Variants in LCLAT1 observed in about 807,000 individuals in gnomAD.
LCLAT1 encodes lysocardiolipin acyltransferase 1, also known as 1-AGP acyltransferase 8.
LCLAT1 carries 11 observed loss-of-function variants against 30.7 expected under a neutral mutation model. The observed-to-expected ratio is 0.36, with a 90% CI of 0.23 to 0.59. The LOEUF (loss-of-function observed/expected upper bound fraction) is 0.59. LCLAT1 is among the 20% of genes least tolerant of loss of function. The probability of loss-of-function intolerance (pLI) is 0.77; values close to 1 mark genes in which losing one functional copy is unlikely to be tolerated. For synonymous variants in LCLAT1, 155 were observed against 151.3 expected, an observed-to-expected ratio of 1.02 and a Z score of -0.18; for missense variants, 402 against 458.6, an observed-to-expected ratio of 0.88 and a Z score of 1.13.
rs1306499817 is a variant in LCLAT1, at chr2:30,558,275, A to G, written c.365-3871A>G. Among the ~76,000 whole-genome samples, 4 of 152,202 alleles carry G rather than the reference A, an allele frequency of 2.6e-5. No homozygotes were observed. In the East Asian group the frequency reaches 7.7e-4, roughly 29 times the overall value. Reference sequence around the variant, plus strand: ...GGTTTGAAGAGGTACTTTACAATGAAGAAATCTGAACGACTAATTTGAATA... The same window carrying G: ...GGTTTGAAGAGGTACTTTACAATGAGGAAATCTGAACGACTAATTTGAATA... On this transcript the variant is annotated intron_variant, in intron 3 of 5. Transcript: ENST00000379509.
chr2:30,491,832 A>G (rs1287504202), intron 1 of LCLAT1, among the ~76,000 whole-genome samples: 1 of 152,206 alleles, frequency 6.6e-6, no homozygotes, highest in African/African-American at 2.4e-5. Context: ...GGGGAAGTGT[A>G]CATGGCCAAA....
intron 1 of LCLAT1, among the ~76,000 whole-genome samples, chr2:30,515,812 A>C (rs1053595451): frequency 6.6e-6 from 1 of 152,188 alleles, no homozygotes; most frequent in African/African-American, 2.4e-5. Flanking sequence ...TTTTTATTTT[A>C]AAGGGTTTTT....
At chr2:30,484,872 T>C (rs1162461592) in intron 1 of LCLAT1, among the ~76,000 whole-genome samples, 3 of 152,200 alleles carry the variant, frequency 2.0e-5, no homozygotes, top group Admixed American at 6.5e-5. Context: ...AAATTCTGTT[T>C]GTAGAAATAA....
chr2:30,624,756 A>G (rs1277470928), intron 5 of LCLAT1, among the ~76,000 whole-genome samples: 4 of 152,210 alleles, frequency 2.6e-5, no homozygotes, highest in African/African-American at 9.6e-5. Context: ...ATTATACCCT[A>G]GAACAAATGG....
At position 30,475,599 on chromosome 2, in the gene LCLAT1, A is replaced by G. The variant is rs565376475; in HGVS notation, c.-5+28216A>G. Among the ~76,000 whole-genome samples the G allele has an allele frequency of 2.0e-5, 3 of 152,326 alleles. No homozygotes were observed. The East Asian group carries it at 5.8e-4, about 29-fold the overall frequency. ...ATTTTAATTCATTCTGAACATTTTA[A>G]TGCATGTTTAAATAGAATAATTTTT... On this transcript the variant is annotated intron_variant, in intron 1 of 5. Coordinates refer to ENST00000379509, the MANE Select transcript of LCLAT1 (RefSeq NM_001002257.3).
At chr2:30,469,948 C>A (rs1682691122) in intron 1 of LCLAT1, among the ~76,000 whole-genome samples, 1 of 152,128 alleles carries the variant, frequency 6.6e-6, no homozygotes, top group African/African-American at 2.4e-5. Flanking sequence ...CCAAGCTAGT[C>A]TCAAACTTCT....
At chr2:30,550,636 G>A (rs1055471886) in intron 3 of LCLAT1, among the ~76,000 whole-genome samples, 1 of 152,090 alleles carries the variant, frequency 6.6e-6, no homozygotes, top group Non-Finnish European at 1.5e-5. Flanking sequence ...CTTATCACTG[G>A]TGATGTTAAT....
chr2:30,541,322 T>C (rs1335066621), intron 3 of LCLAT1, among the ~76,000 whole-genome samples: 3 of 151,910 alleles, frequency 2.0e-5, no homozygotes, highest in Non-Finnish European at 2.9e-5. Context: ...AGCCCAGGAG[T>C]TTAAGGCTAC....
chr2:30,530,315 T>G (rs559053237), intron 2 of LCLAT1, among the ~76,000 whole-genome samples: 137 of 152,382 alleles, frequency 9.0e-4, no homozygotes, highest in Non-Finnish European at 1.7e-3. Flanking sequence ...GAGTTCTGTA[T>G]AGATATTACA....
chr2:30,638,862 G>C (rs1040647044), intron 5 of LCLAT1, among the ~76,000 whole-genome samples: 1 of 145,824 alleles, frequency 6.9e-6, no homozygotes, highest in Non-Finnish European at 1.5e-5. Flanking sequence ...TGTCACATCC[G>C]TTCTTCCTTG....
intron 5 of LCLAT1, among the ~76,000 whole-genome samples, chr2:30,595,214 T>C (rs1666875798): frequency 6.6e-6 from 1 of 152,154 alleles, no homozygotes; most frequent in Admixed American, 6.6e-5. Context: ...CTGTAATATG[T>C]TATTACTGGT....
intron 1 of LCLAT1, among the ~76,000 whole-genome samples, chr2:30,464,188 G>T (rs1453821275): frequency 2.0e-5 from 3 of 151,986 alleles, no homozygotes; most frequent in Admixed American, 2.0e-4. Flanking sequence ...ATATTAGTCT[G>T]ATTTCTTTCC....
chr2:30,460,258 G>A lies in LCLAT1; in HGVS notation c.-5+12875G>A, dbSNP rs1036902883. On this transcript the variant is annotated intron_variant, in intron 1 of 5. Coordinates refer to ENST00000379509, the MANE Select transcript of LCLAT1 (RefSeq NM_001002257.3). ...TAGGCTCATGATCTCCATCTGCCCAGTGTTCATCTGCAATCTCTGGCTGCC... is the reference window on the plus strand; with the variant it reads ...TAGGCTCATGATCTCCATCTGCCCAATGTTCATCTGCAATCTCTGGCTGCC... 2.0e-5 allele frequency among the ~76,000 whole-genome samples: 3 copies of A among 152,134 alleles called. No individual in the cohort carries two copies. The East Asian group carries it at 5.8e-4, about 29-fold the overall frequency.
chr2:30,528,523 T>C (rs1251041017), intron 2 of LCLAT1, among the ~76,000 whole-genome samples: 1 of 152,204 alleles, frequency 6.6e-6, no homozygotes, highest in African/African-American at 2.4e-5. Context: ...TGTTTAAAGA[T>C]AGATATTTTT....
chr2:30,622,047 G>A (rs557191363), intron 5 of LCLAT1, among the ~76,000 whole-genome samples: 8 of 152,248 alleles, frequency 5.3e-5, no homozygotes, highest in Admixed American at 2.0e-4. Context: ...CCTGCTCACC[G>A]GCTGCCTGGA....
chr2:30,481,963 C>A (rs1422595618), intron 1 of LCLAT1, among the ~76,000 whole-genome samples: 1 of 152,124 alleles, frequency 6.6e-6, no homozygotes, highest in Admixed American at 6.5e-5. Flanking sequence ...TTGAGAGATT[C>A]TGAATTTTGT....
intron 3 of LCLAT1, among the ~76,000 whole-genome samples, chr2:30,534,787 G>A (rs1206646354): frequency 6.6e-6 from 1 of 152,140 alleles, no homozygotes; most frequent in Non-Finnish European, 1.5e-5. Context: ...GGTGGAAGCA[G>A]TTACCATCCT....
At chr2:30,568,864 C>CAAAAAAAAAAAAAAAAAA (rs61325694) in intron 5 of LCLAT1, among the ~76,000 whole-genome samples, 1 of 89,106 alleles carries the variant, frequency 1.1e-5, no homozygotes, top group Non-Finnish European at 2.1e-5. Flanking sequence ...TCATGAATAG[C>CAAAAAAAAAAAAAAAAAA]AAAAAAAAAA....
intron 5 of LCLAT1, 79 bp from the exon 6 acceptor site, chr2:30,640,038 G>T: frequency 2.5e-6 from 3 of 1,178,192 alleles, no homozygotes; most frequent in Admixed American, 2.2e-5. Context: ...GGTTTCTGGT[G>T]CTGCCCTGCA....
Sources: allele counts gnomAD v4.1 joint callset (sites outside exome capture counted in the v4.1 genomes callset), GRCh38; gene constraint gnomAD v4.1.1; transcripts MANE v1.5; gene names NCBI Gene and HGNC (gene_info 2026-07-23, HGNC 2026-07-21).